The following NPIPB11 variants were observed in gnomAD, a reference collection of about 807,000 sequenced individuals.
The protein encoded by NPIPB11 is nuclear pore complex-interacting protein family member B11.
NPIPB11 carries 17 observed loss-of-function variants against 32.8 expected under a neutral mutation model. The ratio of observed to expected loss-of-function variants is 0.52; its 90% CI spans 0.35 to 0.78. NPIPB11 has a LOEUF of 0.78. NPIPB11 is among the 30% of genes least tolerant of loss of function. NPIPB11 has a pLI of 0.01. For synonymous variants in NPIPB11, 209 were observed against 398.4 expected, an observed-to-expected ratio of 0.52 and a Z score of 5.66; for missense variants, 537 against 1,000.4, an observed-to-expected ratio of 0.54 and a Z score of 6.25.
At chr16:29,394,503 T>C (rs78370275) in intron 2 of NPIPB11, among the ~76,000 whole-genome samples, 110,531 of 149,646 alleles carry the variant, frequency 0.74, 42,414 homozygotes, top group East Asian at 1. Flanking sequence ...GGTGCAATCT[T>C]GGCTCACTAC....
upstream of NPIPB11, among the ~76,000 whole-genome samples, chr16:29,406,684 C>T (rs1239212599): frequency 2.6e-5 from 4 of 151,826 alleles, no homozygotes; most frequent in Non-Finnish European, 5.9e-5. Flanking sequence ...ACTGCACTCC[C>T]GCCTGGGTGA....
intron 2 of NPIPB11, among the ~76,000 whole-genome samples, chr16:29,398,839 T>A (rs1161545666): frequency 6.6e-6 from 1 of 152,062 alleles, no homozygotes; most frequent in Non-Finnish European, 1.5e-5. Flanking sequence ...GGTTGTGTGA[T>A]CTCAAATCCC....
At chr16:29,393,974 T>A (rs1388702335) in exon 3 of NPIPB11, 1 of 1,599,386 alleles carries the variant, frequency 6.3e-7, no homozygotes, top group East Asian at 2.2e-5. Flanking sequence ...CAGAGGGTAA[T>A]GACAACTTTA....
At chr16:29,399,696 T>C (rs1323154964) in intron 2 of NPIPB11, among the ~76,000 whole-genome samples, 3 of 151,546 alleles carry the variant, frequency 2.0e-5, no homozygotes, top group African/African-American at 7.3e-5. Context: ...AGACTCTGTC[T>C]CAAAAACAGC....
exon 3 of NPIPB11, chr16:29,394,052 G>C (rs1963788821): frequency 6.3e-7 from 1 of 1,599,258 alleles, no homozygotes; most frequent in Non-Finnish European, 8.5e-7. Flanking sequence ...CCACGATGAT[G>C]ATGGTCAGCC....
At chr16:29,406,494 G>A (rs1458646068), upstream of NPIPB11, among the ~76,000 whole-genome samples, 1 of 152,202 alleles carries the variant, frequency 6.6e-6, no homozygotes, top group Non-Finnish European at 1.5e-5. Flanking sequence ...AAGGCAGGTG[G>A]ATCACCTGAG....
chr16:29,394,425 A>T (rs866309689), intron 2 of NPIPB11, among the ~76,000 whole-genome samples: 4 of 114,830 alleles, frequency 3.5e-5, no homozygotes, highest in Admixed American at 9.0e-5. Flanking sequence ...CTAAAAAAAA[A>T]CCTCTTTTTT....
upstream of NPIPB11, among the ~76,000 whole-genome samples, chr16:29,405,637 C>T (rs940875241): frequency 6.6e-6 from 1 of 152,120 alleles, no homozygotes; most frequent in Non-Finnish European, 1.5e-5. Context: ...GACCTTGCAT[C>T]CAATCAATGC....
At chr16:29,389,616 G>A (rs1332426750) in intron 5 of NPIPB11, among the ~76,000 whole-genome samples, 2 of 129,214 alleles carry the variant, frequency 1.5e-5, no homozygotes, top group Non-Finnish European at 1.6e-5. Context: ...AGTGAGCTGA[G>A]ATTGTGCCAT....
At chr16:29,393,627 T>A (rs548826197) in intron 3 of NPIPB11, among the ~76,000 whole-genome samples, 5 of 150,330 alleles carry the variant, frequency 3.3e-5, no homozygotes, top group Admixed American at 3.3e-4. Context: ...GATAGAACTA[T>A]AAAGCAGAAG....
exon 8 of NPIPB11, chr16:29,384,041 C>T (rs608599): frequency 9.4e-6 from 11 of 1,165,086 alleles, no homozygotes; most frequent in East Asian, 3.4e-5. Context: ...GATTATCATC[C>T]GCTGAGGGTG....
At chr16:29,398,136 G>GC in intron 2 of NPIPB11, 1 of 520,818 alleles carries the variant, frequency 1.9e-6, no homozygotes, top group Non-Finnish European at 3.2e-6. Flanking sequence ...AGTAGCGCCC[G>GC]CATCATTCCA....
chr16:29,405,952 A>G (rs1391217685), upstream of NPIPB11, among the ~76,000 whole-genome samples: 38 of 152,206 alleles, frequency 2.5e-4, no homozygotes, highest in African/African-American at 4.6e-4. Flanking sequence ...AAAAGGGTTA[A>G]GGTTTTTATA....
In NPIPB11 at chr16:29,383,322, T is replaced by A. The variant is rs750686002; in HGVS notation, c.1610A>T (p.Asn537Ile). 3 of 1,530,970 alleles carry A rather than the reference T, an allele frequency of 2.0e-6. No homozygotes were observed. The African/African-American group carries it at 5.0e-5, about 26-fold the overall frequency. 94.8% of individuals were successfully genotyped at this position (1,530,970 alleles called of 1,614,324 possible). A position where few individuals can be genotyped will look rare whatever the true frequency, so the allele number is the denominator to read the frequency against. ...CAGATGCTCGGCAGTTGTCTTGATA[T>A]TATCATCTGCTGAGGGTGGAGCTGA... The change falls in exon 8 of 8, where the codon AAT becomes ATT. Residue 537 changes from asparagine to isoleucine, a missense_variant. Physicochemically the swap from Asn to Ile is moderately radical, Grantham distance 149. Coordinates refer to ENST00000524087, the Ensembl canonical transcript of NPIPB11.
intron 2 of NPIPB11, among the ~76,000 whole-genome samples, chr16:29,399,239 C>G (rs1274403330): frequency 6.6e-6 from 1 of 152,060 alleles, no homozygotes; most frequent in Non-Finnish European, 1.5e-5. Flanking sequence ...CAGAGTGTGC[C>G]CAAACTCACT....
intron 2 of NPIPB11, among the ~76,000 whole-genome samples, chr16:29,401,759 C>T (rs1218701199): frequency 1.3e-5 from 2 of 152,138 alleles, no homozygotes; most frequent in Admixed American, 1.3e-4. Flanking sequence ...CCACCCTCTC[C>T]TTCATCTCTT....
intron 2 of NPIPB11, chr16:29,397,642 T>C (rs1963891563): frequency 1.4e-6 from 2 of 1,423,432 alleles, no homozygotes; most frequent in Non-Finnish European, 9.6e-7. Flanking sequence ...CGCCCCCGCA[T>C]GTCCTGGTCC....
chr16:29,381,843 T>C, exon 8 of NPIPB11: 2 of 763,438 alleles, frequency 2.6e-6, no homozygotes, highest in Non-Finnish European at 3.8e-6. Flanking sequence ...GGGAGTGAGC[T>C]GACGCTCGGA....
Position 29,394,494 on chromosome 16 carries a change from G to T in NPIPB11, c.121-418C>A, listed in dbSNP as rs1283059884. 9.3e-5 allele frequency among the ~76,000 whole-genome samples: 14 copies of T among 150,990 alleles called. 1 individual carries two copies. The highest frequency in any genetic ancestry group is 3.4e-4 in the African/African-American group (14 of 41,034). Reference sequence around the variant, plus strand: ...CAGTCGCCCAGGCTGGAGTGAAGTGGTGCAATCTTGGCTCACTACAACCTC... The same window carrying T: ...CAGTCGCCCAGGCTGGAGTGAAGTGTTGCAATCTTGGCTCACTACAACCTC... On this transcript the variant is annotated intron_variant, in intron 2 of 7. Transcript: ENST00000524087.
Sources: allele counts gnomAD v4.1 joint callset (sites outside exome capture counted in the v4.1 genomes callset), GRCh38; gene constraint gnomAD v4.1.1; transcripts MANE v1.5; gene names NCBI Gene and HGNC (gene_info 2026-07-23, HGNC 2026-07-21).